Variants in CCDC93 observed in about 807,000 individuals in gnomAD.
CCDC93 encodes CCC complex scaffolding subunit CCDC93, also known as coiled-coil domain-containing protein 93.
In CCDC93, 61 loss-of-function variants were observed where a neutral mutation model predicts 108.2. That is an observed-to-expected ratio of 0.56 (90% confidence interval 0.46 to 0.70). The LOEUF (loss-of-function observed/expected upper bound fraction) is 0.70, where lower values mean the gene tolerates loss of function less well. Ranked by LOEUF, CCDC93 falls within the 30% of genes least tolerant of loss-of-function variation. The probability of loss-of-function intolerance (pLI) is 0.00; values close to 1 mark genes in which losing one functional copy is unlikely to be tolerated. For synonymous variants in CCDC93, 276 were observed against 260.4 expected (o/e 1.06, Z -0.58); for missense variants, 685 against 764.2 (o/e 0.90, Z 1.22).
intron 11 of CCDC93, among the ~76,000 whole-genome samples, chr2:117,959,320 C>T (rs1679316360): frequency 1.3e-5 from 2 of 152,204 alleles, no homozygotes; most frequent in South Asian, 4.1e-4. Flanking sequence ...TATAATACTT[C>T]TTGGATGATT....
intron 20 of CCDC93, 31 bp from the exon 21 acceptor site, chr2:117,936,770 AAGAC>A: frequency 6.3e-7 from 1 of 1,592,212 alleles, no homozygotes; most frequent in Non-Finnish European, 8.6e-7. Flanking sequence ...ACGAAATTAT[AAGAC>A]AGGCAAAAAG....
Position 117,917,616 on chromosome 2 carries a change from TGAC to T in CCDC93, c.*2724_*2726del, listed in dbSNP as rs1248651719. 6 of 152,416 alleles carry T rather than the reference TGAC, an allele frequency of 3.9e-5. No individual in the cohort carries two copies. The East Asian group carries it at 1.2e-3, about 29-fold the overall frequency. 9.4% of individuals were successfully genotyped at this position (152,416 alleles called of 1,614,324 possible). The stretch of plus-strand genomic sequence containing the variant: ...GTTAAAACAACCCTCAGTGTGACTC[TGAC>T]GACTGTTTAACATTCTGTACCTCCC... On this transcript the variant is annotated 3_prime_UTR_variant, in exon 24 of 24. Transcript: ENST00000376300.
At chr2:117,975,338 G>C in intron 8 of CCDC93, 58 bp from the exon 9 acceptor site, 1 of 1,222,272 alleles carries the variant, frequency 8.2e-7, no homozygotes, top group Non-Finnish European at 1.2e-6. Context: ...AGTAGAGAAA[G>C]GACAATACTG....
chr2:117,946,004 T>A (rs922685200), intron 16 of CCDC93, among the ~76,000 whole-genome samples: 1 of 152,192 alleles, frequency 6.6e-6, no homozygotes, highest in Non-Finnish European at 1.5e-5. Context: ...CACTGCCTCC[T>A]AGGCTCTCCT....
intron 1 of CCDC93, among the ~76,000 whole-genome samples, chr2:118,013,727 C>T (rs896206382): frequency 2.0e-5 from 3 of 152,160 alleles, no homozygotes; most frequent in African/African-American, 7.2e-5. Context: ...CCCAAGAGAC[C>T]CGGGAGCGGC....
At chr2:117,975,391 C>A in intron 8 of CCDC93, 111 bp from the exon 9 acceptor site, 1 of 762,458 alleles carries the variant, frequency 1.3e-6, no homozygotes. Flanking sequence ...ACCTGCAGAG[C>A]AGCAGCATCC....
At chr2:117,976,934 C>CTTT (rs34472456) in intron 8 of CCDC93, among the ~76,000 whole-genome samples, 4 of 118,254 alleles carry the variant, frequency 3.4e-5, no homozygotes, top group Admixed American at 1.7e-4. Context: ...AATAACCAAT[C>CTTT]TTTTTTTTTT....
intron 3 of CCDC93, among the ~76,000 whole-genome samples, chr2:118,002,467 G>A (rs767941573): frequency 1.2e-4 from 18 of 152,164 alleles, no homozygotes; most frequent in Non-Finnish European, 2.1e-4. Flanking sequence ...AAGAAACAGT[G>A]TCTGGTATCT....
At chr2:117,981,256 A>G (rs1211752887) in intron 7 of CCDC93, among the ~76,000 whole-genome samples, 2 of 152,186 alleles carry the variant, frequency 1.3e-5, no homozygotes, top group Admixed American at 1.3e-4. Context: ...TGCCTGGCAC[A>G]TAGTAGGTGC....
chr2:117,932,399 T>G (rs2104716428), intron 22 of CCDC93, among the ~76,000 whole-genome samples: 1 of 152,278 alleles, frequency 6.6e-6, no homozygotes, highest in Middle Eastern at 3.4e-3. Context: ...ACTATAGGCT[T>G]CTGTTGACTA....
At chr2:117,930,049 A>G (rs1223149853) in intron 23 of CCDC93, among the ~76,000 whole-genome samples, 1 of 152,248 alleles carries the variant, frequency 6.6e-6, no homozygotes, top group East Asian at 1.9e-4. Flanking sequence ...TAGGAGCTGG[A>G]ACACTGGAAA....
At chr2:117,944,780 G>A in intron 17 of CCDC93, 1 of 471,234 alleles carries the variant, frequency 2.1e-6, no homozygotes, top group Non-Finnish European at 4.4e-6. Flanking sequence ...CACTGGAAGA[G>A]TGCTGAAGCT....
chr2:117,929,836 G>T (rs902796457), intron 23 of CCDC93, among the ~76,000 whole-genome samples: 11 of 152,144 alleles, frequency 7.2e-5, no homozygotes, highest in Non-Finnish European at 1.6e-4. Flanking sequence ...TCTTTCTTCC[G>T]ATGGCTAGGT....
Position 117,996,255 on chromosome 2 carries a change from A to G in CCDC93, c.462+9T>C, listed in dbSNP as rs768404304. The G allele has an allele frequency of 6.4e-7, 1 of 1,568,148 alleles. No individual in the cohort carries two copies. Among genetic ancestry groups the G allele is most frequent in the South Asian group, 1.1e-5 (1 of 90,098 alleles). On this transcript the variant is annotated intron_variant, in intron 5 of 23. Coordinates refer to ENST00000376300, the MANE Select transcript of CCDC93 (RefSeq NM_019044.5). The stretch of plus-strand genomic sequence containing the variant: ...CAGTGGGACAAGAAAATAAAATCAC[A>G]ATACTGACCTCAGGGAGACTGTAAG...
At chr2:117,949,740 C>G in intron 13 of CCDC93, 1 of 984,830 alleles carries the variant, frequency 1.0e-6, no homozygotes, top group Non-Finnish European at 1.2e-6. Flanking sequence ...TCCAAGAGGT[C>G]TAGTTGAAAA....
Position 117,989,728 on chromosome 2 carries a change from ATAAAC to A in CCDC93, c.520-3664_520-3660del, listed in dbSNP as rs376378866. On this transcript the variant is annotated intron_variant, in intron 6 of 23. Transcript: ENST00000376300. ...AGGTATAAGCAGAGCTGTTACGAAA[ATAAAC>A]TAATCGGTATATTTAATAGTACCTG... 3.6e-3 allele frequency among the ~76,000 whole-genome samples: 550 copies of A among 152,352 alleles called. 5 individuals carry two copies. The highest frequency in any genetic ancestry group is 0.013 in the African/African-American group (531 of 41,572).
intron 7 of CCDC93, among the ~76,000 whole-genome samples, chr2:117,981,669 AG>A (rs1680121568): frequency 6.6e-6 from 1 of 152,268 alleles, no homozygotes; most frequent in Non-Finnish European, 1.5e-5. Context: ...TTACTAGGTT[AG>A]TAGGTTCATA....
chr2:117,929,308 T>C (rs1194185974), intron 23 of CCDC93, among the ~76,000 whole-genome samples: 3 of 152,202 alleles, frequency 2.0e-5, no homozygotes, highest in East Asian at 3.9e-4. Context: ...CCCCCTCTTC[T>C]GACTTGCTTT....
At chr2:117,962,505 T>C (rs973880812) in intron 11 of CCDC93, among the ~76,000 whole-genome samples, 2 of 152,104 alleles carry the variant, frequency 1.3e-5, no homozygotes, top group Non-Finnish European at 2.9e-5. Context: ...TAGCCAGGCA[T>C]AGTGGCATAC....
Sources: allele counts gnomAD v4.1 joint callset (sites outside exome capture counted in the v4.1 genomes callset), GRCh38; gene constraint gnomAD v4.1.1; transcripts MANE v1.5; gene names NCBI Gene and HGNC (gene_info 2026-07-23, HGNC 2026-07-21).